Variants in CNN3 observed in about 807,000 individuals in gnomAD.
CNN3 encodes calponin-3.
A neutral mutation model predicts 39.0 loss-of-function variants in CNN3; 11 were observed. The ratio of observed to expected loss-of-function variants is 0.28; its 90% confidence interval spans 0.18 to 0.47. CNN3 has a LOEUF of 0.47. CNN3 is among the 20% of genes least tolerant of loss of function. CNN3 has a pLI of 0.99. For missense variants in CNN3, 266 were observed against 403.4 expected, an observed-to-expected ratio of 0.66 and a Z score of 2.92; for synonymous variants, 101 against 138.3, an observed-to-expected ratio of 0.73 and a Z score of 1.89.
At chr1:94,922,289 CA>C (rs1191239137) in intron 1 of CNN3, among the ~76,000 whole-genome samples, 2 of 152,138 alleles carry the variant, frequency 1.3e-5, no homozygotes, top group Non-Finnish European at 2.9e-5. Context: ...CCACATCCTT[CA>C]AAATCATCAC....
At chr1:94,902,625 T>C (rs1670897741) in intron 3 of CNN3, among the ~76,000 whole-genome samples, 1 of 152,222 alleles carries the variant, frequency 6.6e-6, no homozygotes, top group South Asian at 2.1e-4. Flanking sequence ...TTATGTGTTA[T>C]TTTAATTTCA....
Position 94,901,520 on chromosome 1 carries a change from C to CTT in CNN3, c.501+147_501+148dup, listed in dbSNP as rs960525557. On this transcript the variant is annotated intron_variant, in intron 5 of 6. Coordinates refer to ENST00000370206, the MANE Select transcript of CNN3 (RefSeq NM_001839.5). ...TAAAAAATTATCACTGTCTTATGGGCTTTATAAATAGATATAAATTGTATA... is the reference window on the plus strand; with the variant it reads ...TAAAAAATTATCACTGTCTTATGGGCTTTTTATAAATAGATATAAATTGTATA... 4 of 520,872 alleles carry CTT rather than the reference C, an allele frequency of 7.7e-6. No homozygotes were observed. In the Admixed American group the frequency reaches 1.4e-4, roughly 19 times the overall value. The allele number at this position is 520,872 out of a possible 1,614,324, so 32.3% of individuals were successfully genotyped here. A position where few individuals can be genotyped will look rare whatever the true frequency, so the allele number is the denominator to read the frequency against.
chr1:94,926,650 C>T lies in CNN3; in HGVS notation c.57+188G>A, dbSNP rs1671591296. Among the ~76,000 whole-genome samples the T allele has an allele frequency of 6.6e-6, 1 of 152,132 alleles. No individual in the cohort carries two copies. Among genetic ancestry groups the T allele is most frequent in the African/African-American group, 2.4e-5 (1 of 41,448 alleles). On this transcript the variant is annotated intron_variant, in intron 1 of 6. Coordinates refer to ENST00000370206, the MANE Select transcript of CNN3 (RefSeq NM_001839.5). This position sits in a 1 kb window ranked among gnomAD's most constrained non-coding sequence, Gnocchi z 4.2. ...GCGGGAACAAAGCCAGGCGGGTGCC[C>T]GGGAGCCGGCCCCGCAAGCCCGGGG...
chr1:94,912,861 A>T (rs2101731444), intron 1 of CNN3, among the ~76,000 whole-genome samples: 1 of 152,296 alleles, frequency 6.6e-6, no homozygotes, highest in East Asian at 1.9e-4. Context: ...AAAGTTCCTT[A>T]TGTCTAGCGC....
At chr1:94,901,262 G>A (rs1670855712) in intron 5 of CNN3, among the ~76,000 whole-genome samples, 1 of 151,826 alleles carries the variant, frequency 6.6e-6, no homozygotes, top group Admixed American at 6.6e-5. Context: ...GCTGAGGCAG[G>A]AGAATTGCTT....
Position 94,926,970 on chromosome 1 carries a change from G to A in CNN3, c.-76C>T. The A allele has an allele frequency of 1.3e-6, 2 of 1,493,548 alleles. No homozygotes were observed. Among genetic ancestry groups the A allele is most frequent in the South Asian group, 1.2e-5 (1 of 84,214 alleles). The allele number at this position is 1,493,548 out of a possible 1,614,324, so 92.5% of individuals were successfully genotyped here. A position where few individuals can be genotyped will look rare whatever the true frequency, so the allele number is the denominator to read the frequency against. ...ACTTCGCTTCCCCGCTCCTGGCCCC[G>A]AGGAGTGGCCGCCGCGGGGGATGCT... is the stretch of plus-strand genomic sequence containing the variant. On this transcript the variant is annotated 5_prime_UTR_variant, in exon 1 of 7. Coordinates refer to ENST00000370206, the MANE Select transcript of CNN3 (RefSeq NM_001839.5). This position sits in a 1 kb window ranked among gnomAD's most constrained non-coding sequence, Gnocchi z 4.2.
chr1:94,907,401 A>G (rs1415199572), intron 1 of CNN3, among the ~76,000 whole-genome samples: 1 of 152,248 alleles, frequency 6.6e-6, no homozygotes, highest in Admixed American at 6.5e-5. Context: ...ATCTTTGGCC[A>G]ATAAAAATGA....
At position 94,902,149 on chromosome 1, in the gene CNN3, T is replaced by C; in HGVS notation, c.356A>G (p.Gln119Arg). 1 of 1,613,594 alleles carries C rather than the reference T, an allele frequency of 6.2e-7. No individual in the cohort carries two copies. The highest frequency in any genetic ancestry group is 8.5e-7 in the Non-Finnish European group (1 of 1,179,484). Residue 119 changes from glutamine (Q) to arginine (R), a missense_variant, in exon 4 of 7, where the codon CAG (glutamine) becomes CGG (arginine). Gln to Arg is a conservative substitution (Grantham distance 43, BLOSUM62 1). Coordinates refer to ENST00000370206, the MANE Select transcript of CNN3 (RefSeq NM_001839.5). ...ACCTGCTAGAGCCACCAGAGTAGTCTGAACCTGGGTCATGTTTCCATTCTC... is the reference window on the plus strand; with the variant it reads ...ACCTGCTAGAGCCACCAGAGTAGTCCGAACCTGGGTCATGTTTCCATTCTC... ...LFENGNMTQV[Q>R]TTLVALAGLA...
rs187517135 is a variant in CNN3, at chr1:94,924,104, G to A, written c.57+2734C>T. ...AGCATTCAAGCAATGTATCAATTATGCAATAAAGAAAAAGCAGGAAGGAAT... is the reference window on the plus strand; with the variant it reads ...AGCATTCAAGCAATGTATCAATTATACAATAAAGAAAAAGCAGGAAGGAAT... On this transcript the variant is annotated intron_variant, in intron 1 of 6. Coordinates refer to ENST00000370206, the MANE Select transcript of CNN3 (RefSeq NM_001839.5). The A allele has an allele frequency of 2.0e-5, 3 of 152,356 alleles. No homozygotes were observed. In the East Asian group the frequency reaches 5.8e-4, roughly 29 times the overall value. 9.4% of individuals were successfully genotyped at this position (152,356 alleles called of 1,614,324 possible).
Position 94,903,018 on chromosome 1 carries a change from T to TAAA in CNN3, c.246+101_246+103dup, listed in dbSNP as rs372027375. On this transcript the variant is annotated intron_variant, in intron 3 of 6. Coordinates refer to ENST00000370206, the MANE Select transcript of CNN3 (RefSeq NM_001839.5). Reference sequence around the variant, plus strand: ...TATGTAAAAACCGTAATCAAAAAGTTAAAAAAAAAAAAAACACAAAACCAA... The same window carrying TAAA: ...TATGTAAAAACCGTAATCAAAAAGTTAAAAAAAAAAAAAAAAACACAAAACCAA... 2,162 of 622,196 alleles carry TAAA rather than the reference T, an allele frequency of 3.5e-3. 1 individual carries two copies. The highest frequency in any genetic ancestry group is 4.0e-3 in the Non-Finnish European group (1,664 of 411,966). The allele number at this position is 622,196 out of a possible 1,614,324, so 38.5% of individuals were successfully genotyped here. A position where few individuals can be genotyped will look rare whatever the true frequency, so the allele number is the denominator to read the frequency against.
At chr1:94,904,680 G>A (rs1422011138) in intron 1 of CNN3, among the ~76,000 whole-genome samples, 5 of 152,042 alleles carry the variant, frequency 3.3e-5, no homozygotes, top group African/African-American at 9.7e-5. Flanking sequence ...CCACGAGATC[G>A]AGGCTACAGT....
intron 1 of CNN3, among the ~76,000 whole-genome samples, chr1:94,912,868 G>A (rs1571528220): frequency 6.6e-6 from 1 of 152,264 alleles, no homozygotes; most frequent in Admixed American, 6.5e-5. Flanking sequence ...CTTATGTCTA[G>A]CGCACTCCTG....
rs201536451 is a variant in CNN3 at position 94,902,198 on chromosome 1, T to G, written c.307A>C (p.Ile103Leu). 12 of 1,613,504 alleles carry G rather than the reference T, an allele frequency of 7.4e-6. No homozygotes were observed. Among genetic ancestry groups the G allele is most frequent in the Non-Finnish European group, 1.0e-5 (12 of 1,179,364 alleles). ...IQAYGMKPHD[I>L]FEANDLFENG... is the part of the protein sequence containing the mutation. ...TCAAAAAGATCATTTGCTTCGAATA[T>G]GTCATGTGGCTTCATACCATAAGCC... is the stretch of plus-strand genomic sequence containing the variant. Residue 103 changes from isoleucine to leucine, a missense_variant, in exon 4 of 7, where the codon ATA (isoleucine) becomes CTA (leucine). Ile to Leu is a conservative substitution (Grantham distance 5). Coordinates refer to ENST00000370206, the MANE Select transcript of CNN3 (RefSeq NM_001839.5).
At chr1:94,915,271 C>T (rs1375850390) in intron 1 of CNN3, among the ~76,000 whole-genome samples, 1 of 152,128 alleles carries the variant, frequency 6.6e-6, no homozygotes, top group African/African-American at 2.4e-5. Flanking sequence ...CTGCATGCCA[C>T]CAAATCCTAC....
intron 1 of CNN3, among the ~76,000 whole-genome samples, chr1:94,913,221 A>G (rs761694630): frequency 2.6e-5 from 4 of 152,254 alleles, no homozygotes; most frequent in Non-Finnish European, 5.9e-5. Flanking sequence ...ACAATTCTTC[A>G]TAAAATAGTA....
Position 94,901,741 on chromosome 1 carries a change from C to T in CNN3, c.429G>A (p.Lys143=), listed in dbSNP as rs1180979212. 1.2e-6 allele frequency: 2 copies of T among 1,614,026 alleles called. No homozygotes were observed. Among genetic ancestry groups the T allele is most frequent in the Admixed American group, 3.3e-5 (2 of 60,012 alleles). ...GFHTTIDIGV[K]YAEKQTRRFD... is the part of the protein sequence containing the mutation. Reference sequence around the variant, plus strand: ...AACGTCTTGTTTGTTTTTCTGCATACTTAACTCCAATGTCAATGGTTGTAT... The same window carrying T: ...AACGTCTTGTTTGTTTTTCTGCATATTTAACTCCAATGTCAATGGTTGTAT... The change falls in exon 5 of 7, where the codon AAG becomes AAA. Residue 143 remains lysine, a synonymous_variant. Coordinates refer to ENST00000370206, the MANE Select transcript of CNN3 (RefSeq NM_001839.5).
At chr1:94,913,954 T>G (rs1196398872) in intron 1 of CNN3, among the ~76,000 whole-genome samples, 1 of 151,918 alleles carries the variant, frequency 6.6e-6, no homozygotes, top group Non-Finnish European at 1.5e-5. Context: ...GCCAGCCGGG[T>G]CTTGAATTTT....
chr1:94,903,813 TGACA>T (rs1450807654), intron 1 of CNN3, among the ~76,000 whole-genome samples: 1 of 152,124 alleles, frequency 6.6e-6, no homozygotes, highest in Non-Finnish European at 1.5e-5. Context: ...CCACAGGAAG[TGACA>T]AGGATTTAAT....
At chr1:94,915,959 C>T (rs906444881) in intron 1 of CNN3, among the ~76,000 whole-genome samples, 4 of 152,202 alleles carry the variant, frequency 2.6e-5, no homozygotes, top group African/African-American at 9.6e-5. Flanking sequence ...CCCACTGACC[C>T]TCCTGCCCTT....
Sources: gnomAD v4.1 joint callset for allele counts (sites outside exome capture counted in the v4.1 genomes callset) on GRCh38, gnomAD v4.1.1 for gene constraint, Gnocchi (gnomAD v3.1) non-coding constraint, MANE v1.5 for transcripts, NCBI Gene and HGNC (gene_info 2026-07-23, HGNC 2026-07-21) for gene names.